Variants in CNBD1 observed in about 807,000 individuals in gnomAD.
The protein encoded by CNBD1 is cyclic nucleotide binding domain containing 1, also known as cyclic nucleotide-binding domain-containing protein 1.
CNBD1 carries 71 observed loss-of-function variants against 54.4 expected under a neutral mutation model. The observed-to-expected ratio is 1.30, with a 90% CI of 1.08 to 1.59. CNBD1 has a LOEUF of 1.59. Among genes scored for constraint, CNBD1 ranks in the 40% most tolerant of loss-of-function variants. The pLI is 0.00. For missense variants in CNBD1, 659 were observed against 518.0 expected (o/e 1.27, Z -2.64); for synonymous variants, 182 against 170.7 (o/e 1.07, Z -0.51).
At chr8:87,245,156 G>A (rs2336985) in intron 6 of CNBD1, among the ~76,000 whole-genome samples, 94,554 of 151,776 alleles carry the variant, frequency 0.62, 29,772 homozygotes, top group Middle Eastern at 0.66. Flanking sequence ...ATCACAACAT[G>A]TAGTTGCCTT....
intron 8 of CNBD1, among the ~76,000 whole-genome samples, chr8:87,300,946 C>T (rs1231376952): frequency 6.6e-6 from 1 of 151,744 alleles, no homozygotes; most frequent in African/African-American, 2.4e-5. Context: ...ATTGATAGAC[C>T]ATTGGCATGA....
chr8:87,142,137 G>C (rs1349309712), intron 4 of CNBD1, among the ~76,000 whole-genome samples: 1 of 152,076 alleles, frequency 6.6e-6, no homozygotes, highest in Non-Finnish European at 1.5e-5. Context: ...GAGAGAAAAA[G>C]GATAACAGAT....
intron 8 of CNBD1, among the ~76,000 whole-genome samples, chr8:87,309,049 C>T (rs1487749895): frequency 6.6e-6 from 1 of 152,086 alleles, no homozygotes; most frequent in Non-Finnish European, 1.5e-5. Context: ...CTACCTTAAG[C>T]ACTAGGGTGT....
chr8:86,891,495 A>G (rs755622281), intron 2 of CNBD1, among the ~76,000 whole-genome samples: 3 of 152,070 alleles, frequency 2.0e-5, no homozygotes, highest in Non-Finnish European at 4.4e-5. Context: ...CTAGCTGTAT[A>G]ATATATTTTG....
At chr8:86,971,628 C>G (rs1808220355) in intron 4 of CNBD1, among the ~76,000 whole-genome samples, 1 of 151,954 alleles carries the variant, frequency 6.6e-6, no homozygotes, top group Non-Finnish European at 1.5e-5. Flanking sequence ...TTATTTTAGT[C>G]TTTTTTACTC....
chr8:87,264,672 C>T (rs1808211543), intron 6 of CNBD1, among the ~76,000 whole-genome samples: 1 of 152,070 alleles, frequency 6.6e-6, no homozygotes, highest in African/African-American at 2.4e-5. Context: ...TGTTTCCTGA[C>T]TTTTTAGTGA....
intron 1 of CNBD1, among the ~76,000 whole-genome samples, chr8:86,873,497 C>T (rs1224935375): frequency 1.3e-5 from 2 of 151,954 alleles, no homozygotes; most frequent in Non-Finnish European, 2.9e-5. Context: ...CTTTACAATG[C>T]TCAGTCTTCC....
At chr8:87,410,826 T>TTAGCAAC (rs1586085692) in intron 2 of CNBD1, among the ~76,000 whole-genome samples, 1 of 152,092 alleles carries the variant, frequency 6.6e-6, no homozygotes, top group African/African-American at 2.4e-5. Flanking sequence ...ACCCCAACTA[T>TTAGCAAC]TAGCAACTAC....
chr8:87,205,382 G>C (rs753919486), intron 4 of CNBD1, among the ~76,000 whole-genome samples: 31 of 152,100 alleles, frequency 2.0e-4, no homozygotes, highest in Non-Finnish European at 3.4e-4. Flanking sequence ...TTAGTCCTTT[G>C]AGACATCAGA....
intron 4 of CNBD1, among the ~76,000 whole-genome samples, chr8:87,150,834 G>A (rs1177018710): frequency 6.6e-6 from 1 of 152,122 alleles, no homozygotes; most frequent in Non-Finnish European, 1.5e-5. Flanking sequence ...ATTTCAAAGA[G>A]ATAGCTCTTG....
chr8:87,021,928 A>G (rs746860655), intron 4 of CNBD1, among the ~76,000 whole-genome samples: 1 of 152,240 alleles, frequency 6.6e-6, no homozygotes, highest in Non-Finnish European at 1.5e-5. Flanking sequence ...AAACACACAA[A>G]TATACATTTT....
At chr8:87,051,353 T>A (rs1257172682) in intron 4 of CNBD1, among the ~76,000 whole-genome samples, 1 of 152,110 alleles carries the variant, frequency 6.6e-6, no homozygotes, top group Non-Finnish European at 1.5e-5. Context: ...GAGGGCAGTT[T>A]GAGCTTCTGG....
chr8:87,119,141 G>A lies in CNBD1; in HGVS notation c.432-86852G>A, dbSNP rs149864303. Among the ~76,000 whole-genome samples, 23 of 151,850 alleles carry A rather than the reference G, an allele frequency of 1.5e-4. No homozygotes were observed. The East Asian group carries it at 1.5e-3, about 10-fold the overall frequency. ...TTCTAATTTTATGAAAAATGACAGC[G>A]GTATTTTGATAGAGATTGAATCAAA... On this transcript the variant is annotated intron_variant, in intron 4 of 10. Transcript: ENST00000518476.
intron 1 of CNBD1, among the ~76,000 whole-genome samples, chr8:86,872,477 AT>A (rs1808455909): frequency 6.6e-6 from 1 of 152,178 alleles, no homozygotes; most frequent in African/African-American, 2.4e-5. Flanking sequence ...TCATATGGTA[AT>A]TCTATTGTTA....
chr8:87,161,192 G>A (rs1004002003), intron 4 of CNBD1, among the ~76,000 whole-genome samples: 3 of 152,048 alleles, frequency 2.0e-5, no homozygotes, highest in Admixed American at 6.6e-5. Context: ...GAGAATGACA[G>A]GTTACCTTCA....
chr8:86,884,065 T>C (rs1470096387), intron 1 of CNBD1, among the ~76,000 whole-genome samples: 1 of 150,448 alleles, frequency 6.6e-6, no homozygotes, highest in Non-Finnish European at 1.5e-5. Flanking sequence ...GGCAGGAGAA[T>C]GGCGTGAACC....
chr8:87,422,408 T>A (rs536982641), intron 2 of CNBD1, among the ~76,000 whole-genome samples: 1,910 of 146,372 alleles, frequency 0.013, 53 homozygotes, highest in African/African-American at 0.047. Context: ...ATGGTTTAGG[T>A]CTAACGTTTA....
chr8:86,921,343 G>GT (rs113989229), intron 3 of CNBD1, among the ~76,000 whole-genome samples: 3,421 of 150,402 alleles, frequency 0.023, 125 homozygotes, highest in African/African-American at 0.079. Flanking sequence ...TGCTCCTTGT[G>GT]TTTTTTTTTA....
intron 6 of CNBD1, among the ~76,000 whole-genome samples, chr8:87,258,200 T>C (rs901667067): frequency 6.6e-6 from 1 of 152,094 alleles, no homozygotes; most frequent in African/African-American, 2.4e-5. Context: ...CTATTAAATA[T>C]GTTAAATGTT....
Sources: gnomAD v4.1 joint callset for allele counts (sites outside exome capture counted in the v4.1 genomes callset) on GRCh38, gnomAD v4.1.1 for gene constraint, MANE v1.5 for transcripts, NCBI Gene and HGNC (gene_info 2026-07-23, HGNC 2026-07-21) for gene names.